C19orf38: variants seen among roughly 807,000 people sequenced by gnomAD.
The protein encoded by C19orf38 is protein HIDE1.
A neutral mutation model predicts 26.6 loss-of-function variants in C19orf38; 14 were observed. That is an observed-to-expected ratio of 0.53 (90% confidence interval 0.35 to 0.82). The LOEUF (loss-of-function observed/expected upper bound fraction) is 0.82, where lower values mean the gene tolerates loss of function less well. Among genes scored for constraint, C19orf38 ranks in the 40% least tolerant of loss-of-function variants. C19orf38 has a pLI of 0.01. For synonymous variants in C19orf38, 132 were observed against 128.5 expected, an observed-to-expected ratio of 1.03 and a Z score of -0.18; for missense variants, 261 against 299.5, an observed-to-expected ratio of 0.87 and a Z score of 0.95.
In C19orf38 at chr19:10,869,469, G is replaced by A. The variant is rs2073782997; in HGVS notation, c.*102G>A. 1 of 1,397,028 alleles carries A rather than the reference G, an allele frequency of 7.2e-7. No individual in the cohort carries two copies. The highest frequency in any genetic ancestry group is 9.4e-7 in the Non-Finnish European group (1 of 1,058,392). The allele number at this position is 1,397,028 out of a possible 1,614,324, so 86.5% of individuals were successfully genotyped here. A position where few individuals can be genotyped will look rare whatever the true frequency, so the allele number is the denominator to read the frequency against. On this transcript the variant is annotated 3_prime_UTR_variant, in exon 7 of 7. Transcript: ENST00000397820. The stretch of plus-strand genomic sequence containing the variant: ...CTGTCAGCCACTTTCTCAGGGAATT[G>A]GACAGAGGAAAGGAAGGGGAACCCT...
chr19:10,860,534 CAAAAAAAAAAA>C (rs900601654), intron 5 of C19orf38, among the ~76,000 whole-genome samples: 1 of 21,836 alleles, frequency 4.6e-5, no homozygotes, highest in African/African-American at 2.2e-4. Context: ...GACTCCATCT[CAAAAAAAAAAA>C]AAAAAAAAAA....
Position 10,869,250 on chromosome 19 carries a change from G to T in C19orf38, c.576G>T (p.Leu192Phe). Residue 192 changes from leucine to phenylalanine, a missense_variant, in exon 7 of 7, where the codon TTG (leucine) becomes TTT (phenylalanine). Leu to Phe is a conservative substitution (Grantham distance 22). Transcript: ENST00000397820. ...TGCCAGAAGAAGACCCGGCCACCTTGGATGATCACTCAGGCACCACTGCCA... is the reference window on the plus strand; with the variant it reads ...TGCCAGAAGAAGACCCGGCCACCTTTGATGATCACTCAGGCACCACTGCCA... ...KTMPEEDPAT[L>F]DDHSGTTATP... 6.4e-7 allele frequency: 1 copy of T among 1,551,664 alleles called. No individual in the cohort carries two copies. Among genetic ancestry groups the T allele is most frequent in the Non-Finnish European group, 8.7e-7 (1 of 1,146,974 alleles).
chr19:10,847,531 G>A (rs957292237), upstream of C19orf38, among the ~76,000 whole-genome samples: 3 of 152,032 alleles, frequency 2.0e-5, no homozygotes, highest in Admixed American at 6.6e-5. Flanking sequence ...GTGCCACCAC[G>A]CCCGGCTAAT....
At chr19:10,862,017 G>A (rs981298448) in intron 5 of C19orf38, among the ~76,000 whole-genome samples, 1 of 152,002 alleles carries the variant, frequency 6.6e-6, no homozygotes, top group African/African-American at 2.4e-5. Flanking sequence ...TCCTGCCTCA[G>A]CCTCCTGAGT....
upstream of C19orf38, among the ~76,000 whole-genome samples, chr19:10,844,838 A>G (rs2073504218): frequency 7.7e-6 from 1 of 129,494 alleles, no homozygotes. Flanking sequence ...ACAGAGCGAG[A>G]TTCCATCTCA....
intron 6 of C19orf38, among the ~76,000 whole-genome samples, chr19:10,866,204 AT>A (rs761189003): frequency 1.5e-3 from 188 of 129,122 alleles, no homozygotes; most frequent in Middle Eastern, 5.1e-3. Context: ...TGCCTGGCTA[AT>A]TTTTTTTTTT....
At chr19:10,868,555 C>T (rs964919853) in intron 6 of C19orf38, among the ~76,000 whole-genome samples, 2 of 152,082 alleles carry the variant, frequency 1.3e-5, no homozygotes, top group South Asian at 4.1e-4. Context: ...ACTTTGTTCC[C>T]CAGGCTGGAG....
At chr19:10,853,655 T>A (rs1404277928) in intron 2 of C19orf38, among the ~76,000 whole-genome samples, 2 of 147,518 alleles carry the variant, frequency 1.4e-5, no homozygotes, top group East Asian at 4.0e-4. Context: ...AGTGGCACGA[T>A]CTCGGCTCAC....
At chr19:10,859,254 G>A (rs2073664161) in intron 4 of C19orf38, among the ~76,000 whole-genome samples, 1 of 133,628 alleles carries the variant, frequency 7.5e-6, no homozygotes, top group Non-Finnish European at 1.6e-5. Flanking sequence ...ATGTGTGTGT[G>A]TGTGTGTGTG....
rs757639287 is a variant in C19orf38 at position 10,850,254 on chromosome 19, T to C, written c.32-5T>C. 12 of 1,548,638 alleles carry C rather than the reference T, an allele frequency of 7.7e-6. No homozygotes were observed. The highest frequency in any genetic ancestry group is 1.0e-5 in the Non-Finnish European group (12 of 1,146,442). On this transcript the variant is annotated splice_region_variant and splice_polypyrimidine_tract_variant and intron_variant, in intron 1 of 6. Coordinates refer to ENST00000397820, the MANE Select transcript of C19orf38 (RefSeq NM_001136482.3). ...CACCCACCCACCTTACCCTCTGCAT[T>C]GCAGGCTCCTTGGCGATCCCAGCAC...
intron 5 of C19orf38, 36 bp downstream of exon 5, chr19:10,859,994 A>C: frequency 6.5e-7 from 1 of 1,533,704 alleles, no homozygotes; most frequent in South Asian, 1.2e-5. Context: ...CAGTGGGGAA[A>C]GGATTACACC....
intron 4 of C19orf38, among the ~76,000 whole-genome samples, chr19:10,859,517 G>A (rs2073675515): frequency 6.6e-6 from 1 of 150,680 alleles, no homozygotes; most frequent in African/African-American, 2.4e-5. Flanking sequence ...TGAGTAGCTG[G>A]GACTACAGGC....
chr19:10,855,767 A>G (rs2073618743), intron 2 of C19orf38, among the ~76,000 whole-genome samples: 1 of 152,036 alleles, frequency 6.6e-6, no homozygotes, highest in Non-Finnish European at 1.5e-5. Context: ...TGACCTAGTG[A>G]TCCACCTGCC....
upstream of C19orf38, among the ~76,000 whole-genome samples, chr19:10,844,618 C>G (rs1461888912): frequency 1.0e-4 from 15 of 150,434 alleles, no homozygotes; most frequent in Admixed American, 2.6e-4. Context: ...GAGGCTGAGG[C>G]GGGCAGATCA....
chr19:10,854,430 T>G (rs1264920562), intron 2 of C19orf38, among the ~76,000 whole-genome samples: 1 of 152,224 alleles, frequency 6.6e-6, no homozygotes, highest in Admixed American at 6.5e-5. Flanking sequence ...GAGGCCAACA[T>G]GCAGCTATGA....
chr19:10,863,208 GT>G lies in C19orf38; in HGVS notation c.543+2del, dbSNP rs767763342. The stretch of plus-strand genomic sequence containing the variant: ...TAACTCCCTGTTTACCGTCTCCGCG[GT>G]GAGTGGTTCTTTTTCTTGGAACCGG... On this transcript the variant is annotated splice_donor_variant, in intron 6 of 6. Coordinates refer to ENST00000397820, the MANE Select transcript of C19orf38 (RefSeq NM_001136482.3). LOFTEE classifies it high-confidence loss of function. The G allele has an allele frequency of 1.4e-5, 22 of 1,551,218 alleles. No individual in the cohort carries two copies. The highest frequency in any genetic ancestry group is 1.8e-5 in the Non-Finnish European group (21 of 1,146,732).
upstream of C19orf38, chr19:10,848,380 T>C (rs1418006003): frequency 2.0e-6 from 2 of 1,003,472 alleles, no homozygotes; most frequent in Non-Finnish European, 3.0e-6. Flanking sequence ...TTCCTGCCAG[T>C]GAGGAAACTC....
intron 4 of C19orf38, among the ~76,000 whole-genome samples, chr19:10,859,518 G>A (rs1257262526): frequency 6.6e-6 from 1 of 150,882 alleles, no homozygotes; most frequent in Admixed American, 6.7e-5. Flanking sequence ...GAGTAGCTGG[G>A]ACTACAGGCA....
intron 1 of C19orf38, among the ~76,000 whole-genome samples, chr19:10,841,491 A>C (rs967736754): frequency 1.3e-5 from 2 of 151,820 alleles, no homozygotes; most frequent in African/African-American, 4.8e-5. Context: ...ATAAACACAC[A>C]CAAAAAAATA....
Sources: allele counts gnomAD v4.1 joint callset (sites outside exome capture counted in the v4.1 genomes callset), GRCh38; gene constraint gnomAD v4.1.1; transcripts MANE v1.5; gene names NCBI Gene and HGNC (gene_info 2026-07-23, HGNC 2026-07-21).